The following E2F7 variants were observed in gnomAD, a reference collection of about 807,000 sequenced individuals.
The protein encoded by E2F7 is transcription factor E2F7.
E2F7 carries 35 observed loss-of-function variants against 81.1 expected under a neutral mutation model. The ratio of observed to expected loss-of-function variants is 0.43; its 90% CI spans 0.33 to 0.57. The LOEUF is 0.57. Ranked by LOEUF, E2F7 falls within the 20% of genes least tolerant of loss-of-function variation. The pLI, the probability that E2F7 is intolerant of heterozygous loss-of-function variation, is 0.04. For synonymous variants in E2F7, 416 were observed against 416.2 expected (o/e 1.00, Z 0.01); for missense variants, 961 against 1,093.7 (o/e 0.88, Z 1.71).
intron 4 of E2F7, among the ~76,000 whole-genome samples, chr12:77,049,885 A>G (rs1178129269): frequency 1.3e-5 from 2 of 152,162 alleles, no homozygotes; most frequent in African/African-American, 4.8e-5. Context: ...TGACACCTTC[A>G]TGTCATTGTG....
intron 7 of E2F7, among the ~76,000 whole-genome samples, chr12:77,036,924 T>A (rs1391620395): frequency 1.3e-5 from 2 of 152,128 alleles, no homozygotes; most frequent in African/African-American, 2.4e-5. Context: ...TAATTTTTTG[T>A]ATTTTTAGTA....
chr12:77,056,383 G>A (rs12321886), intron 2 of E2F7, among the ~76,000 whole-genome samples: 3,875 of 152,210 alleles, frequency 0.025, 178 homozygotes, highest in African/African-American at 0.089. Flanking sequence ...AAATCACAAC[G>A]TATCTGTTAC....
intron 12 of E2F7, 35 bp downstream of exon 12, chr12:77,025,523 G>A (rs755366257): frequency 6.2e-7 from 1 of 1,605,418 alleles, no homozygotes; most frequent in East Asian, 2.2e-5. Flanking sequence ...CCCCTTCCCA[G>A]AGTGACAGTG....
chr12:77,025,523 G>C (rs755366257), intron 12 of E2F7, 35 bp downstream of exon 12: 2 of 1,605,418 alleles, frequency 1.2e-6, no homozygotes, highest in South Asian at 2.2e-5. Context: ...CCCCTTCCCA[G>C]AGTGACAGTG....
At chr12:77,030,959 G>A (rs1954801561) in intron 9 of E2F7, among the ~76,000 whole-genome samples, 1 of 152,180 alleles carries the variant, frequency 6.6e-6, no homozygotes, top group South Asian at 2.1e-4. Flanking sequence ...GAAATGAAGT[G>A]GACAGTGAGG....
chr12:77,061,851 C>T (rs1282729963), intron 2 of E2F7, among the ~76,000 whole-genome samples: 1 of 152,232 alleles, frequency 6.6e-6, no homozygotes, highest in African/African-American at 2.4e-5. Flanking sequence ...CATGCTGTTA[C>T]TTCTGCCTAA....
At chr12:77,046,619 T>C (rs1396409240) in intron 4 of E2F7, among the ~76,000 whole-genome samples, 1 of 152,222 alleles carries the variant, frequency 6.6e-6, no homozygotes, top group Non-Finnish European at 1.5e-5. Context: ...TTTAGACCCA[T>C]TAGGCAAACC....
chr12:77,030,032 C>A lies in E2F7; in HGVS notation c.1683G>T (p.Leu561=), dbSNP rs1212793935. 6.2e-7 allele frequency: 1 copy of A among 1,614,192 alleles called. No individual in the cohort carries two copies. The highest frequency in any genetic ancestry group is 8.5e-7 in the Non-Finnish European group (1 of 1,180,040). ...SASLFMLYGS[L]QEGPASGSGS... is the part of the protein sequence containing the mutation. ...CTGACCCTGACGCTGGTCCCTCCTG[C>A]AGACTTCCATACAGCATGAACAGTG... is the stretch of plus-strand genomic sequence containing the variant. Residue 561 remains leucine (L), a synonymous_variant, in exon 10 of 13, where the codon CTG becomes CTT. Coordinates refer to ENST00000322886, the MANE Select transcript of E2F7 (RefSeq NM_203394.3).
At chr12:77,060,834 A>C (rs1223342842) in intron 2 of E2F7, among the ~76,000 whole-genome samples, 1 of 151,868 alleles carries the variant, frequency 6.6e-6, no homozygotes, top group Non-Finnish European at 1.5e-5. Flanking sequence ...TCCCCTGCCT[A>C]CCTCCTAGGG....
intron 4 of E2F7, among the ~76,000 whole-genome samples, chr12:77,047,178 T>G (rs1463001671): frequency 2.0e-5 from 3 of 152,154 alleles, no homozygotes; most frequent in Admixed American, 6.6e-5. Flanking sequence ...GCAAAAATAC[T>G]TATAGTTGTT....
At chr12:77,062,318 T>C (rs1269055468) in intron 2 of E2F7, among the ~76,000 whole-genome samples, 2 of 152,110 alleles carry the variant, frequency 1.3e-5, no homozygotes, top group Non-Finnish European at 2.9e-5. Context: ...ACTTTCTAAG[T>C]ATATTTGTTT....
At chr12:77,056,281 T>C in intron 2 of E2F7, 151 bp from the exon 3 acceptor site, 1 of 767,498 alleles carries the variant, frequency 1.3e-6, no homozygotes, top group South Asian at 2.0e-5. Flanking sequence ...TAACGAAAAG[T>C]AGTCATGGGA....
At chr12:77,044,523 G>A in intron 6 of E2F7, 114 bp downstream of exon 6, 9 of 1,304,438 alleles carry the variant, frequency 6.9e-6, no homozygotes, top group Non-Finnish European at 8.5e-6. Context: ...TGCAGGAAAG[G>A]AGTATGTATG....
chr12:77,053,141 A>G (rs548193420), intron 3 of E2F7, among the ~76,000 whole-genome samples: 1 of 152,288 alleles, frequency 6.6e-6, no homozygotes, highest in South Asian at 2.1e-4. Context: ...TAGCACCTAT[A>G]CTAGTAGGTA....
At chr12:77,048,190 A>G (rs1394255115) in intron 4 of E2F7, among the ~76,000 whole-genome samples, 18 of 152,144 alleles carry the variant, frequency 1.2e-4, no homozygotes, top group Admixed American at 1.2e-3. Flanking sequence ...AACTGAGTTT[A>G]CCCATCCACT....
Position 77,030,091 on chromosome 12 carries a change from C to T in E2F7, c.1624G>A (p.Ala542Thr). ...GGCACATACACTAGAGGCTGGCCAG[C>T]AAGGAGTGCTGGCTTCAGGCTCTCC... ...AVESLKPALL[A>T]GQPLVYVPSA... Residue 542 changes from alanine (A) to threonine (T), a missense_variant, in exon 10 of 13, where the codon GCT becomes ACT. Ala to Thr is a moderately conservative substitution (Grantham distance 58). Transcript: ENST00000322886. 1.2e-6 allele frequency: 2 copies of T among 1,614,168 alleles called. No individual in the cohort carries two copies. The highest frequency in any genetic ancestry group is 8.5e-7 in the Non-Finnish European group (1 of 1,180,034).
At chr12:77,028,314 T>TC (rs1399679882) in intron 10 of E2F7, among the ~76,000 whole-genome samples, 176 bp from the exon 11 acceptor site, 5 of 151,972 alleles carry the variant, frequency 3.3e-5, no homozygotes, top group Non-Finnish European at 7.4e-5. Context: ...TGCCTCAGCC[T>TC]CCCGAGTAGC....
At chr12:77,029,684 G>A in intron 10 of E2F7, 147 bp downstream of exon 10, 22 of 1,314,664 alleles carry the variant, frequency 1.7e-5, no homozygotes, top group Non-Finnish European at 2.1e-5. Flanking sequence ...ATTTTTGGCA[G>A]AGCCACTCCA....
At chr12:77,058,707 G>A (rs796259434) in intron 2 of E2F7, among the ~76,000 whole-genome samples, 1 of 152,050 alleles carries the variant, frequency 6.6e-6, no homozygotes, top group African/African-American at 2.4e-5. Flanking sequence ...CAATCTCAAG[G>A]GTTATGAGAT....
Sources: gnomAD v4.1 joint callset for allele counts (sites outside exome capture counted in the v4.1 genomes callset) on GRCh38, gnomAD v4.1.1 for gene constraint, MANE v1.5 for transcripts, NCBI Gene and HGNC (gene_info 2026-07-23, HGNC 2026-07-21) for gene names.